Variants in GRID2 observed in about 807,000 individuals in gnomAD.
The protein encoded by GRID2 is glutamate ionotropic receptor delta type subunit 2.
GRID2 carries 33 observed loss-of-function variants against 114.8 expected under a neutral mutation model. The ratio of observed to expected loss-of-function variants is 0.29; its 90% CI spans 0.22 to 0.38. GRID2 has a LOEUF of 0.38. Ranked by LOEUF, GRID2 falls within the 10% of genes least tolerant of loss-of-function variation. GRID2 has a pLI of 1.00. For missense variants in GRID2, 1,184 were observed against 1,257.7 expected (o/e 0.94, Z 0.89); for synonymous variants, 505 against 449.9 (o/e 1.12, Z -1.55).
chr4:92,621,005 AAAAAAAGAATTTTAACCCAGGCATT>A (rs1730248095), intron 2 of GRID2, among the ~76,000 whole-genome samples: 5 of 151,520 alleles, frequency 3.3e-5, no homozygotes, highest in African/African-American at 1.2e-4. Context: ...CAAAAAAAAA[AAAAAAAGAATTTTAACCCAGGCATT>A]CTCAGATCAG....
intron 13 of GRID2, among the ~76,000 whole-genome samples, chr4:93,595,024 C>T (rs1461626550): frequency 6.6e-6 from 1 of 152,168 alleles, no homozygotes; most frequent in African/African-American, 2.4e-5. Context: ...CTGCATCGCT[C>T]AGGCTGGGAG....
intron 1 of GRID2, among the ~76,000 whole-genome samples, chr4:92,539,725 C>G (rs931831511): frequency 6.6e-6 from 1 of 152,104 alleles, no homozygotes; most frequent in Non-Finnish European, 1.5e-5. Flanking sequence ...CCTATACATT[C>G]TTAAAATTAG....
chr4:93,419,074 C>CTTTTT lies in GRID2; in HGVS notation c.1348-3679_1348-3675dup, dbSNP rs58832079. 1.2e-3 allele frequency among the ~76,000 whole-genome samples: 131 copies of CTTTTT among 109,482 alleles called. 2 individuals carry two copies. Among genetic ancestry groups the CTTTTT allele is most frequent in the African/African-American group, 1.9e-3 (45 of 24,070 alleles). 71.8% of individuals were successfully genotyped at this position (109,482 alleles called of 152,430 possible). ...GGTAATCCCCAAAATCATGATTTTC[C>CTTTTT]TTTTTTTTTTTTTTTTTTTTTTACA... On this transcript the variant is annotated intron_variant, in intron 9 of 15. Coordinates refer to ENST00000282020, the MANE Select transcript of GRID2 (RefSeq NM_001510.4).
chr4:92,857,004 A>G (rs1744225199), intron 2 of GRID2, among the ~76,000 whole-genome samples: 1 of 152,298 alleles, frequency 6.6e-6, no homozygotes, highest in Non-Finnish European at 1.5e-5. Context: ...TGTTAAAGGG[A>G]TCTGTGATCA....
chr4:92,713,299 T>A (rs534116518), intron 2 of GRID2, among the ~76,000 whole-genome samples: 5 of 151,464 alleles, frequency 3.3e-5, no homozygotes, highest in African/African-American at 1.2e-4. Context: ...AGCTAAAATA[T>A]TCTAACTTAC....
intron 1 of GRID2, among the ~76,000 whole-genome samples, chr4:92,373,566 C>T (rs113380739): frequency 1.3e-5 from 2 of 152,192 alleles, no homozygotes; most frequent in East Asian, 1.9e-4. Flanking sequence ...AATTTCATGC[C>T]GGATATGAAT....
chr4:92,388,859 G>A (rs1268304623), intron 1 of GRID2, among the ~76,000 whole-genome samples: 1 of 151,918 alleles, frequency 6.6e-6, no homozygotes, highest in Non-Finnish European at 1.5e-5. Flanking sequence ...ACTACTGTAA[G>A]TATACAATTG....
intron 14 of GRID2, among the ~76,000 whole-genome samples, chr4:93,766,852 A>G (rs1202724769): frequency 6.6e-6 from 1 of 152,176 alleles, no homozygotes; most frequent in East Asian, 1.9e-4. Context: ...TTTTTAATGT[A>G]CAATACAGTA....
chr4:92,373,510 C>T (rs1306065175), intron 1 of GRID2, among the ~76,000 whole-genome samples: 1 of 152,174 alleles, frequency 6.6e-6, no homozygotes, highest in African/African-American at 2.4e-5. Context: ...TTCTCTTTCT[C>T]ATGTGTAATG....
chr4:93,321,201 G>C (rs914547336), intron 8 of GRID2, among the ~76,000 whole-genome samples: 157 of 152,162 alleles, frequency 1.0e-3, no homozygotes, highest in African/African-American at 3.7e-3. Context: ...GGGAGAATAA[G>C]ATTTTTAATC....
intron 4 of GRID2, among the ~76,000 whole-genome samples, chr4:93,147,266 ACTT>A (rs1444000880): frequency 6.6e-6 from 1 of 152,108 alleles, no homozygotes; most frequent in Admixed American, 6.6e-5. Context: ...AAAATCCTAT[ACTT>A]CTTATTTGCA....
intron 4 of GRID2, among the ~76,000 whole-genome samples, chr4:93,152,834 G>A (rs1194556194): frequency 6.6e-6 from 1 of 151,918 alleles, no homozygotes; most frequent in African/African-American, 2.4e-5. Context: ...AAAGGTGTTC[G>A]GCAGTTATAA....
In GRID2 at chr4:93,010,574, T is replaced by G. The variant is rs1044452481; in HGVS notation, c.245-74421T>G. Among the ~76,000 whole-genome samples the G allele has an allele frequency of 5.3e-5, 8 of 152,276 alleles. No homozygotes were observed. The East Asian group carries it at 1.2e-3, about 22-fold the overall frequency. On this transcript the variant is annotated intron_variant, in intron 2 of 15. Coordinates refer to ENST00000282020, the MANE Select transcript of GRID2 (RefSeq NM_001510.4). ...CGCCAGAAAGGTACCTTAGCACATA[T>G]AGACTTTCCTTGCATTTTTTAAAAA...
At chr4:93,213,671 A>G (rs545414842) in intron 5 of GRID2, among the ~76,000 whole-genome samples, 1 of 152,204 alleles carries the variant, frequency 6.6e-6, no homozygotes, top group East Asian at 1.9e-4. Context: ...TCTTCCCACA[A>G]TCTTATTCAT....
At chr4:93,271,596 A>T (rs753601077) in intron 8 of GRID2, among the ~76,000 whole-genome samples, 6 of 152,202 alleles carry the variant, frequency 3.9e-5, no homozygotes, top group Non-Finnish European at 8.8e-5. Context: ...TTGAATTTTC[A>T]CTAAGGTTAG....
intron 1 of GRID2, among the ~76,000 whole-genome samples, chr4:92,511,683 A>C (rs1724258776): frequency 6.6e-6 from 1 of 151,914 alleles, no homozygotes; most frequent in Non-Finnish European, 1.5e-5. Flanking sequence ...AGTCTAGTTG[A>C]ATCAGTTCAA....
intron 1 of GRID2, among the ~76,000 whole-genome samples, chr4:92,488,590 T>C (rs1466601242): frequency 6.6e-6 from 1 of 152,046 alleles, no homozygotes; most frequent in East Asian, 1.9e-4. Context: ...AAGGCAAAAT[T>C]CCACTGCTTC....
intron 13 of GRID2, among the ~76,000 whole-genome samples, chr4:93,601,689 TTC>T (rs1303058194): frequency 7.9e-5 from 12 of 152,216 alleles, no homozygotes; most frequent in Non-Finnish European, 1.5e-4. Flanking sequence ...TGACCAAAAT[TTC>T]TATTCTTCCT....
intron 8 of GRID2, among the ~76,000 whole-genome samples, chr4:93,245,478 G>A (rs916422704): frequency 6.6e-6 from 1 of 152,168 alleles, no homozygotes; most frequent in Non-Finnish European, 1.5e-5. Flanking sequence ...TTGTTTGCAA[G>A]AATTTGTTGT....
Sources: gnomAD v4.1 joint callset for allele counts (sites outside exome capture counted in the v4.1 genomes callset) on GRCh38, gnomAD v4.1.1 for gene constraint, MANE v1.5 for transcripts, NCBI Gene and HGNC (gene_info 2026-07-23, HGNC 2026-07-21) for gene names.